Variants in AUTS2 observed in about 807,000 individuals in gnomAD.
AUTS2 encodes the protein activator of transcription and developmental regulator AUTS2, also known as autism susceptibility gene 2 protein.
In AUTS2, 17 loss-of-function variants were observed where a neutral mutation model predicts 112.4. That is an observed-to-expected ratio of 0.15 (90% CI 0.10 to 0.23). The LOEUF is 0.23. Ranked by LOEUF, AUTS2 falls within the 10% of genes least tolerant of loss-of-function variation. The probability of loss-of-function intolerance (pLI) is 1.00; values close to 1 mark genes in which losing one functional copy is unlikely to be tolerated. For synonymous variants in AUTS2, 751 were observed against 702.7 expected (o/e 1.07, Z -1.09); for missense variants, 1,510 against 1,701.6 (o/e 0.89, Z 1.98).
At chr7:70,351,691 CTTTTTCT>C (rs1199181401) in intron 4 of AUTS2, among the ~76,000 whole-genome samples, 2 of 152,134 alleles carry the variant, frequency 1.3e-5, no homozygotes, top group African/African-American at 4.8e-5. Context: ...TTGACTTTTT[CTTTTTCT>C]TTTTTCTTTT....
intron 2 of AUTS2, among the ~76,000 whole-genome samples, chr7:70,111,352 C>T (rs1346994469): frequency 6.6e-6 from 1 of 152,158 alleles, no homozygotes; most frequent in Non-Finnish European, 1.5e-5. Context: ...TGCTGACTTT[C>T]TGGAGTAAGA....
At chr7:70,476,602 G>C (rs1797593582) in intron 5 of AUTS2, among the ~76,000 whole-genome samples, 2 of 152,186 alleles carry the variant, frequency 1.3e-5, no homozygotes, top group African/African-American at 2.4e-5. Context: ...CATGTACTGA[G>C]TGTACTCAGA....
At chr7:69,927,901 C>T (rs532485423) in intron 2 of AUTS2, among the ~76,000 whole-genome samples, 8 of 152,320 alleles carry the variant, frequency 5.3e-5, no homozygotes, top group South Asian at 2.1e-4. Flanking sequence ...GGGGTATTAC[C>T]GGGCTACCTG....
chr7:70,704,505 A>G (rs1373120376), intron 6 of AUTS2, among the ~76,000 whole-genome samples: 1 of 152,224 alleles, frequency 6.6e-6, no homozygotes, highest in South Asian at 2.1e-4. Flanking sequence ...ATCCTTGGCA[A>G]TATTGACCAA....
chr7:70,435,378 T>C (rs1795849148), intron 4 of AUTS2, among the ~76,000 whole-genome samples: 1 of 152,220 alleles, frequency 6.6e-6, no homozygotes, highest in East Asian at 1.9e-4. Flanking sequence ...CTGAATTTCA[T>C]TGAACAATCT....
intron 1 of AUTS2, among the ~76,000 whole-genome samples, chr7:69,611,657 G>A (rs577753794): frequency 2.6e-5 from 4 of 152,092 alleles, no homozygotes; most frequent in African/African-American, 4.8e-5. Context: ...TAGGCCGGGC[G>A]CGGTGGCTCA....
chr7:70,741,655 C>G (rs1585607638), intron 6 of AUTS2, among the ~76,000 whole-genome samples: 1 of 149,934 alleles, frequency 6.7e-6, no homozygotes, highest in South Asian at 2.1e-4. Context: ...CGTGTCATTG[C>G]ACTCCAGCCT....
At chr7:70,025,523 C>T (rs921861398) in intron 2 of AUTS2, among the ~76,000 whole-genome samples, 2 of 150,658 alleles carry the variant, frequency 1.3e-5, no homozygotes, top group African/African-American at 4.9e-5. Flanking sequence ...TGGATCTTGG[C>T]TCACTGCAAC....
At chr7:69,787,266 C>A (rs966949457) in intron 1 of AUTS2, among the ~76,000 whole-genome samples, 1 of 152,160 alleles carries the variant, frequency 6.6e-6, no homozygotes, top group African/African-American at 2.4e-5. Context: ...ATAACATAGT[C>A]TATTTCAGGA....
intron 4 of AUTS2, among the ~76,000 whole-genome samples, chr7:70,403,747 A>G (rs1232876589): frequency 6.6e-6 from 1 of 152,226 alleles, no homozygotes; most frequent in Non-Finnish European, 1.5e-5. Context: ...GCTTGGCAGA[A>G]TGTTTTGATA....
intron 1 of AUTS2, among the ~76,000 whole-genome samples, chr7:69,614,027 A>G (rs1206680329): frequency 6.6e-6 from 1 of 152,192 alleles, no homozygotes; most frequent in Non-Finnish European, 1.5e-5. Flanking sequence ...TAATGAATAT[A>G]ACTGTTAGAT....
chr7:70,579,610 T>G (rs1802344054), intron 5 of AUTS2, among the ~76,000 whole-genome samples: 1 of 152,204 alleles, frequency 6.6e-6, no homozygotes, highest in African/African-American at 2.4e-5. Flanking sequence ...TGCCCAGGGA[T>G]AAGACAGAGC....
intron 1 of AUTS2, among the ~76,000 whole-genome samples, chr7:69,846,045 C>A (rs776393324): frequency 1.3e-5 from 2 of 152,058 alleles, no homozygotes; most frequent in Non-Finnish European, 1.5e-5. Flanking sequence ...TAAATGACCA[C>A]TTCCCTCTTT....
At chr7:70,789,626 C>T (rs1585699188) in intron 18 of AUTS2, 122 bp from the exon 19 acceptor site, 12 of 1,199,856 alleles carry the variant, frequency 1.0e-5, no homozygotes, top group South Asian at 1.5e-5. Flanking sequence ...GCTGCCTTGG[C>T]GACCATGGGA....
At chr7:70,146,606 A>G (rs1244652467) in intron 4 of AUTS2, among the ~76,000 whole-genome samples, 1 of 152,080 alleles carries the variant, frequency 6.6e-6, no homozygotes, top group Non-Finnish European at 1.5e-5. Flanking sequence ...ATTTGGTCCT[A>G]TAACATGATA....
At chr7:70,617,927 C>T (rs10267303) in intron 5 of AUTS2, among the ~76,000 whole-genome samples, 76,941 of 152,016 alleles carry the variant, frequency 0.51, 20,457 homozygotes, top group African/African-American at 0.64. Context: ...GCTACTTTTG[C>T]CCAGTATTTC....
intron 5 of AUTS2, among the ~76,000 whole-genome samples, chr7:70,663,122 C>T (rs541008305): frequency 5.3e-5 from 8 of 152,310 alleles, no homozygotes; most frequent in African/African-American, 9.6e-5. Context: ...TGACCAGGTG[C>T]GATGGCTCAC....
chr7:70,455,229 T>C (rs1796687701), intron 5 of AUTS2, among the ~76,000 whole-genome samples: 1 of 152,222 alleles, frequency 6.6e-6, no homozygotes, highest in Non-Finnish European at 1.5e-5. Flanking sequence ...ATTACTGTCA[T>C]ATTCCCAAAC....
At chr7:70,029,637 T>C (rs767097347) in intron 2 of AUTS2, among the ~76,000 whole-genome samples, 1 of 152,168 alleles carries the variant, frequency 6.6e-6, no homozygotes, top group Non-Finnish European at 1.5e-5. Context: ...AGTGAATACT[T>C]TGCGGTTGTC....
Sources: allele counts gnomAD v4.1 joint callset (sites outside exome capture counted in the v4.1 genomes callset), GRCh38; gene constraint gnomAD v4.1.1; transcripts MANE v1.5; gene names NCBI Gene and HGNC (gene_info 2026-07-23, HGNC 2026-07-21).